ELF2: variants seen among roughly 807,000 people sequenced by gnomAD.
The protein encoded by ELF2 is ETS-related transcription factor Elf-2.
ELF2 carries 11 observed loss-of-function variants against 54.8 expected under a neutral mutation model. The observed-to-expected ratio is 0.20, with a 90% CI of 0.13 to 0.33. ELF2 has a LOEUF of 0.33. Ranked by LOEUF, ELF2 falls within the 10% of genes least tolerant of loss-of-function variation. ELF2 has a pLI of 1.00. For synonymous variants in ELF2, 203 were observed against 245.1 expected (o/e 0.83, Z 1.61); for missense variants, 513 against 703.0 (o/e 0.73, Z 3.06).
At position 139,058,412 on chromosome 4, in the gene ELF2, TA is replaced by T. The variant is rs886625134; in HGVS notation, c.*570del. The stretch of plus-strand genomic sequence containing the variant: ...TATGATATATATATATGTATGTATA[TA>T]TATATATATATATATATAAAATCGC... On this transcript the variant is annotated 3_prime_UTR_variant, in exon 10 of 10. Coordinates refer to ENST00000686138, the MANE Select transcript of ELF2 (RefSeq NM_001331036.3). 1.4e-5 allele frequency: 2 copies of T among 143,936 alleles called. No individual in the cohort carries two copies. The highest frequency in any genetic ancestry group is 5.1e-5 in the African/African-American group (2 of 39,182). 8.9% of individuals were successfully genotyped at this position (143,936 alleles called of 1,614,324 possible). A position where few individuals can be genotyped will look rare whatever the true frequency, so the allele number is the denominator to read the frequency against.
intron 4 of ELF2, among the ~76,000 whole-genome samples, chr4:139,121,857 C>T (rs1736382917): frequency 6.6e-6 from 1 of 152,130 alleles, no homozygotes; most frequent in African/African-American, 2.4e-5. Flanking sequence ...AAGAGAACAT[C>T]AGTATTACAC....
chr4:139,096,664 G>T, intron 4 of ELF2, among the ~76,000 whole-genome samples: 1 of 150,078 alleles, frequency 6.7e-6, no homozygotes, highest in African/African-American at 2.5e-5. Flanking sequence ...TAGCCAGGAG[G>T]TCTCACCATG....
At position 139,127,842 on chromosome 4, in the gene ELF2, G is replaced by A. The variant is rs369754005; in HGVS notation, c.73-2513C>T. ...TAGCCAGGCATGGTTGCATGCGCCT[G>A]TAATCCCAGCTACTTGGGAGGCTGA... On this transcript the variant is annotated intron_variant, in intron 3 of 9. Transcript: ENST00000686138. Among the ~76,000 whole-genome samples, 43 of 152,016 alleles carry A rather than the reference G, an allele frequency of 2.8e-4. 1 individual carries two copies. In the East Asian group the frequency reaches 7.5e-3, roughly 27 times the overall value.
At chr4:139,114,724 A>G (rs1984683) in intron 4 of ELF2, among the ~76,000 whole-genome samples, 2 of 150,296 alleles carry the variant, frequency 1.3e-5, no homozygotes, top group East Asian at 4.0e-4. Context: ...TAAAAACACA[A>G]AAAGTCCCAT....
At chr4:139,076,213 G>A (rs1730295581) in intron 4 of ELF2, among the ~76,000 whole-genome samples, 2 of 152,156 alleles carry the variant, frequency 1.3e-5, no homozygotes, top group African/African-American at 4.8e-5. Context: ...TTCCATTTAT[G>A]GAAATCTGTT....
intron 1 of ELF2, among the ~76,000 whole-genome samples, chr4:139,172,411 C>T (rs4597768): frequency 0.18 from 27,210 of 152,144 alleles, 2,820 homozygotes; most frequent in Middle Eastern, 0.31. Flanking sequence ...CCCTCTGCCT[C>T]GGCCATGAAT....
intron 6 of ELF2, among the ~76,000 whole-genome samples, 197 bp downstream of exon 6, chr4:139,071,669 T>C (rs532013742): frequency 6.6e-6 from 1 of 152,302 alleles, no homozygotes; most frequent in South Asian, 2.1e-4. Context: ...AAGCCTTACA[T>C]ACTAACTCCT....
chr4:139,114,598 A>G (rs1232458566), intron 4 of ELF2, among the ~76,000 whole-genome samples: 1 of 65,612 alleles, frequency 1.5e-5, no homozygotes, highest in Non-Finnish European at 3.1e-5. Context: ...CACACACACA[A>G]TTTAGGAGCA....
chr4:139,061,453 G>C (rs552421856), intron 8 of ELF2, among the ~76,000 whole-genome samples: 1 of 152,222 alleles, frequency 6.6e-6, no homozygotes, highest in African/African-American at 2.4e-5. Context: ...GGCATTATAG[G>C]CGTGAGCCAC....
intron 7 of ELF2, among the ~76,000 whole-genome samples, chr4:139,064,403 C>T (rs1578667070): frequency 6.6e-6 from 1 of 152,320 alleles, no homozygotes; most frequent in East Asian, 1.9e-4. Context: ...ATCCTTAAAT[C>T]CAGTTCTAAG....
upstream of ELF2, chr4:139,177,358 C>A (rs1743076606): frequency 6.6e-6 from 1 of 150,858 alleles, no homozygotes; most frequent in East Asian, 2.0e-4. Context: ...CTCCTCCCCT[C>A]CCCACGCGGC....
At chr4:139,099,825 G>A (rs568855099) in intron 4 of ELF2, among the ~76,000 whole-genome samples, 1 of 152,318 alleles carries the variant, frequency 6.6e-6, no homozygotes, top group East Asian at 1.9e-4. Context: ...GGAGGGCTAT[G>A]ATAAAAAATA....
At position 139,059,561 on chromosome 4, in the gene ELF2, C is replaced by T. The variant is rs1162153028; in HGVS notation, c.1204G>A (p.Gly402Ser). The T allele has an allele frequency of 6.2e-7, 1 of 1,613,322 alleles. No homozygotes were observed. The highest frequency in any genetic ancestry group is 8.5e-7 in the Non-Finnish European group (1 of 1,179,858). The change falls in exon 10 of 10, where the codon GGT becomes AGT. Residue 402 changes from glycine (G) to serine (S), a missense_variant. Gly to Ser is a moderately conservative substitution (Grantham distance 56, BLOSUM62 0). Transcript: ENST00000686138. ...ACTGCCACAGTTGAAATTTTCTGACCCAATGATGTCATTACAACAGGTACC... is the reference window on the plus strand; with the variant it reads ...ACTGCCACAGTTGAAATTTTCTGACTCAATGATGTCATTACAACAGGTACC... ...MQVPVVMTSL[G>S]QKISTVAVQS... is the part of the protein sequence containing the mutation.
intron 1 of ELF2, among the ~76,000 whole-genome samples, chr4:139,150,062 A>G (rs1739709210): frequency 6.6e-6 from 1 of 151,902 alleles, no homozygotes; most frequent in Non-Finnish European, 1.5e-5. Context: ...GGGCGTGGCC[A>G]GGCACAGTGG....
intron 4 of ELF2, among the ~76,000 whole-genome samples, chr4:139,088,284 T>TAA (rs10713739): frequency 4.5e-5 from 5 of 112,254 alleles, no homozygotes; most frequent in African/African-American, 1.4e-4. Flanking sequence ...AGACTCTGTC[T>TAA]AAAAAAAAAA....
intron 4 of ELF2, among the ~76,000 whole-genome samples, chr4:139,095,372 A>G (rs1449782059): frequency 1.3e-5 from 2 of 151,930 alleles, no homozygotes; most frequent in African/African-American, 4.8e-5. Context: ...TTCAATAGAG[A>G]CAGAGTTTCG....
intron 4 of ELF2, among the ~76,000 whole-genome samples, chr4:139,109,490 C>G (rs551922614): frequency 2.0e-5 from 3 of 152,142 alleles, no homozygotes; most frequent in Non-Finnish European, 4.4e-5. Flanking sequence ...TAAGGCTGTT[C>G]TATAAGACAT....
At chr4:139,144,614 T>C (rs13134328) in intron 1 of ELF2, among the ~76,000 whole-genome samples, 34,863 of 152,162 alleles carry the variant, frequency 0.23, 4,164 homozygotes, top group Non-Finnish European at 0.25. Flanking sequence ...GGTTCCTGTA[T>C]GTAAACAGCT....
At chr4:139,107,470 A>T (rs1035636392) in intron 4 of ELF2, among the ~76,000 whole-genome samples, 1 of 152,248 alleles carries the variant, frequency 6.6e-6, no homozygotes, top group African/African-American at 2.4e-5. Flanking sequence ...ATATATATGT[A>T]TCAAAATATC....
Sources: gnomAD v4.1 joint callset for allele counts (sites outside exome capture counted in the v4.1 genomes callset) on GRCh38, gnomAD v4.1.1 for gene constraint, MANE v1.5 for transcripts, NCBI Gene and HGNC (gene_info 2026-07-23, HGNC 2026-07-21) for gene names.